The following PRAMEF2 variants were observed in gnomAD, a reference collection of about 807,000 sequenced individuals.
PRAMEF2 encodes the protein PRAME family member 2.
Under a neutral mutation model 38.0 loss-of-function variants are expected in PRAMEF2, and 35 were observed. The observed-to-expected ratio is 0.92, with a 90% CI of 0.70 to 1.22. The LOEUF is 1.22. Among genes scored for constraint, PRAMEF2 ranks in the 50% most tolerant of loss-of-function variants. The pLI is 0.00. For missense variants in PRAMEF2, 562 were observed against 553.9 expected (o/e 1.01, Z -0.15); for synonymous variants, 240 against 232.4 (o/e 1.03, Z -0.30).
Position 12,859,856 on chromosome 1 carries a change from A to G in PRAMEF2, c.451A>G (p.Ile151Val). Residue 151 changes from isoleucine (I) to valine (V), a missense_variant, in exon 3 of 4, where the codon ATA becomes GTA. Transcript: ENST00000240189. ...AGAGCACCAGCCCTTAAAGGTGTTC[A>G]TAGACATCTGCCTCAAGGAAATACC... The part of the protein sequence containing the change: ...TGEHQPLKVF[I>V]DICLKEIPQD... 6.2e-7 allele frequency: 1 copy of G among 1,607,714 alleles called. No individual in the cohort carries two copies.
rs1311228523 is a variant in PRAMEF2, at chr1:12,857,523, A to G, written c.-26+376A>G. Among the ~76,000 whole-genome samples, 2 of 142,374 alleles carry G rather than the reference A, an allele frequency of 1.4e-5. 1 individual carries two copies. The highest frequency in any genetic ancestry group is 5.4e-5 in the African/African-American group (2 of 36,812). 93.4% of individuals were successfully genotyped at this position (142,374 alleles called of 152,430 possible). A position where few individuals can be genotyped will look rare whatever the true frequency, so the allele number is the denominator to read the frequency against. ...TCATTTTCATAAAATCCTTAAAGGT[A>G]TCCCACACACCAATCTCAAGAGTGC... On this transcript the variant is annotated intron_variant, in intron 1 of 3. Transcript: ENST00000240189.
intron 2 of PRAMEF2, 51 bp downstream of exon 2, chr1:12,859,347 G>T (rs1557627837): frequency 5.6e-6 from 9 of 1,606,058 alleles, no homozygotes; most frequent in Non-Finnish European, 7.6e-6. Context: ...TCCAGGGAAA[G>T]AACAGCAGGG....
rs17038657 is a variant in PRAMEF2, at chr1:12,859,212, C to T, written c.203C>T (p.Ser68Leu). Reference protein sequence around the residue: ...AWPFTCLPLVSLMKTLHLEPL... With the variant: ...AWPFTCLPLVLLMKTLHLEPL... ...CCTTTCACCTGCCTCCCTCTGGTAT[C>T]GCTGATGAAGACGCTTCATCTGGAG... Residue 68 changes from serine to leucine, a missense_variant, in exon 2 of 4, where the codon TCG becomes TTG. Ser to Leu is a moderately radical substitution (Grantham distance 145). This residue lies in a region of PRAMEF2 where 486 missense variants were observed against 444.2 expected (regional missense o/e 1.09). Transcript: ENST00000240189. 21 of 1,609,898 alleles carry T rather than the reference C, an allele frequency of 1.3e-5. 1 individual carries two copies. Among genetic ancestry groups the T allele is most frequent in the Middle Eastern group, 3.3e-4 (2 of 6,056 alleles).
At chr1:12,860,339 G>T in intron 3 of PRAMEF2, 68 bp downstream of exon 3, 1 of 1,592,660 alleles carries the variant, frequency 6.3e-7, no homozygotes, top group Non-Finnish European at 8.6e-7. Flanking sequence ...GCAAACATTA[G>T]AAGGCGTGTA....
At chr1:12,861,144 A>G (rs1640541291) in intron 3 of PRAMEF2, 77 bp from the exon 4 acceptor site, 3 of 1,478,060 alleles carry the variant, frequency 2.0e-6, no homozygotes, top group Non-Finnish European at 1.9e-6. Context: ...TGAAGCAGGT[A>G]TTTTCCTTGA....
intron 2 of PRAMEF2, 87 bp from the exon 3 acceptor site, chr1:12,859,606 A>T: frequency 6.4e-7 from 1 of 1,572,560 alleles, no homozygotes. Flanking sequence ...TGAGGACAGG[A>T]GCAGCTGATT....
In PRAMEF2 at chr1:12,861,458, C is replaced by G. The variant is rs1304127428; in HGVS notation, c.1104C>G (p.Ala368=). The part of the protein sequence containing the change: ...GCQIHYSQLS[A]ILPGLSCCSQ... ...AGATCCACTACTCCCAACTCAGTGC[C>G]ATCCTGCCTGGCCTGAGCTGCTGCT... Residue 368 remains alanine (A), a synonymous_variant, in exon 4 of 4, where the codon GCC becomes GCG. Transcript: ENST00000240189. The G allele has an allele frequency of 8.1e-6, 13 of 1,605,594 alleles. No individual in the cohort carries two copies. The East Asian group carries it at 2.9e-4, about 36-fold the overall frequency.
chr1:12,860,595 C>A (rs201150208), intron 3 of PRAMEF2, among the ~76,000 whole-genome samples: 2 of 149,798 alleles, frequency 1.3e-5, no homozygotes, highest in Admixed American at 6.9e-5. Flanking sequence ...GATATGATGT[C>A]AAAGAGATAA....
rs1640462019 is a variant in PRAMEF2, at chr1:12,857,141, A to G, written c.-32A>G. On this transcript the variant is annotated 5_prime_UTR_variant, in exon 1 of 4. Coordinates refer to ENST00000240189, the MANE Select transcript of PRAMEF2 (RefSeq NM_023014.1). ...TCCCAGAACTCTGCAAAGTGAGTCC[A>G]GCGCTGGTAAGTCACCACCTTCTTA... 1 of 148,372 alleles carries G rather than the reference A, an allele frequency of 6.7e-6. No homozygotes were observed. Among genetic ancestry groups the G allele is most frequent in the South Asian group, 2.2e-4 (1 of 4,624 alleles). The allele number at this position is 148,372 out of a possible 1,614,324, so 9.2% of individuals were successfully genotyped here.
chr1:12,858,978 C>A lies in PRAMEF2; in HGVS notation c.-25-7C>A. The A allele has an allele frequency of 6.3e-7, 1 of 1,594,472 alleles. No individual in the cohort carries two copies. The highest frequency in any genetic ancestry group is 1.8e-5 in the Admixed American group (1 of 54,956). On this transcript the variant is annotated splice_polypyrimidine_tract_variant and splice_region_variant and intron_variant, in intron 1 of 3. Transcript: ENST00000240189. Reference sequence around the variant, plus strand: ...AGTGATACATTCTCCCTGGATTTGTCTTCTAGAGATTTTTCTTGCAGATCC... The same window carrying A: ...AGTGATACATTCTCCCTGGATTTGTATTCTAGAGATTTTTCTTGCAGATCC...
chr1:12,861,221 G>A lies in PRAMEF2; in HGVS notation c.867G>A (p.Arg289=). The change falls in exon 4 of 4, where the codon AGG becomes AGA. Residue 289 remains arginine, a splice_region_variant and synonymous_variant. Transcript: ENST00000240189. ...AGAACTAACTTCTTGATCTCCACAG[G>A]TGCCTCCAGAACCCCTTGGAGAACT... ...FFSGHLEQLI[R]CLQNPLENLE... 2 of 1,606,218 alleles carry A rather than the reference G, an allele frequency of 1.2e-6. No homozygotes were observed. The highest frequency in any genetic ancestry group is 8.5e-7 in the Non-Finnish European group (1 of 1,175,518).
chr1:12,859,440 C>A, intron 2 of PRAMEF2, 144 bp downstream of exon 2: 3 of 1,476,882 alleles, frequency 2.0e-6, no homozygotes, highest in Non-Finnish European at 2.8e-6. Flanking sequence ...TGGCCATTGT[C>A]CAGATCCTCA....
rs760755167 is a variant in PRAMEF2 at position 12,860,124 on chromosome 1, C to A, written c.719C>A (p.Ser240Tyr). The A allele has an allele frequency of 3.1e-6, 5 of 1,606,576 alleles. No individual in the cohort carries two copies. In the East Asian group the frequency reaches 1.1e-4, roughly 36 times the overall value. Residue 240 changes from serine (S) to tyrosine (Y), a missense_variant, in exon 3 of 4, where the codon TCC becomes TAC. Physicochemically the swap from Ser to Tyr is moderately radical, Grantham distance 144. Around this residue, in one of 2 missense-constraint regions of PRAMEF2, gnomAD observed 486 missense variants for 444.2 expected, o/e 1.09. Coordinates refer to ENST00000240189, the MANE Select transcript of PRAMEF2 (RefSeq NM_023014.1). ...AAGACTCTTTGCAAACTCGTTTTCT[C>A]CAGGTGCCATCATTACACGTCAGAT... ...EMKTLCKLVF[S>Y]RCHHYTSDNE...
At chr1:12,859,320 T>C (rs1243303325) in intron 2 of PRAMEF2, 24 bp downstream of exon 2, 3 of 1,607,390 alleles carry the variant, frequency 1.9e-6, no homozygotes, top group Non-Finnish European at 2.5e-6. Context: ...GGAGGGCTAG[T>C]AGATAGGGCT....
rs141943881 is a variant in PRAMEF2, at chr1:12,861,355, G to C, written c.1001G>C (p.Arg334Pro). The change falls in exon 4 of 4, where the codon CGC becomes CCC. Residue 334 changes from arginine (R) to proline (P), a missense_variant. By Grantham distance (103) the Arg-to-Pro change is moderately radical. Transcript: ENST00000240189. Reference sequence around the variant, plus strand: ...AATCTCAGCTACGTGCTGCTGTTCCGCATCAGTCTTGAACCCCTAGGAGCT... The same window carrying C: ...AATCTCAGCTACGTGCTGCTGTTCCCCATCAGTCTTGAACCCCTAGGAGCT... ...HLNLSYVLLF[R>P]ISLEPLGALL... 6.2e-7 allele frequency: 1 copy of C among 1,606,650 alleles called. No homozygotes were observed. The highest frequency in any genetic ancestry group is 8.5e-7 in the Non-Finnish European group (1 of 1,176,566).
In PRAMEF2 at chr1:12,861,655, G is replaced by A. The variant is rs1386681955; in HGVS notation, c.1301G>A (p.Arg434Gln). 1.3e-5 allele frequency: 20 copies of A among 1,595,622 alleles called. No homozygotes were observed. The highest frequency in any genetic ancestry group is 2.2e-5 in the East Asian group (1 of 44,604). The change falls in exon 4 of 4, where the codon CGG becomes CAG. Residue 434 changes from arginine to glutamine, a missense_variant. Physicochemically the swap from Arg to Gln is conservative, Grantham distance 43. Coordinates refer to ENST00000240189, the MANE Select transcript of PRAMEF2 (RefSeq NM_023014.1). ...RVNWEIFTPL[R>Q]AELMCTLREF... ...AATTGGGAGATCTTCACCCCACTTC[G>A]GGCTGAGCTGATGTGTACACTGAGG...
rs3204810 is a variant in PRAMEF2, at chr1:12,860,165, T to C, written c.760T>C (p.Trp254Arg). Residue 254 changes from tryptophan (W) to arginine (R), a missense_variant, in exon 3 of 4, where the codon TGG (tryptophan) becomes CGG (arginine). Around this residue, in one of 2 missense-constraint regions of PRAMEF2, gnomAD observed 486 missense variants for 444.2 expected, o/e 1.09. Coordinates refer to ENST00000240189, the MANE Select transcript of PRAMEF2 (RefSeq NM_023014.1). ...CACGTCAGATAATGAACTCGAGGGA[T>C]GGTTAGTCACCAGATTCACCTCTGT... ...HYTSDNELEG[W>R]LVTRFTSVFL... 1.1e-5 allele frequency: 18 copies of C among 1,606,634 alleles called. 2 individuals carry two copies. The highest frequency in any genetic ancestry group is 8.1e-5 in the African/African-American group (6 of 74,222).
chr1:12,861,052 C>T (rs1425407388), intron 3 of PRAMEF2, among the ~76,000 whole-genome samples, 169 bp from the exon 4 acceptor site: 1 of 149,986 alleles, frequency 6.7e-6, no homozygotes, highest in Non-Finnish European at 1.5e-5. Context: ...AATGGGACAG[C>T]CCCTGAACGA....
At chr1:12,860,504 A>C (rs1640530244) in intron 3 of PRAMEF2, among the ~76,000 whole-genome samples, 1 of 147,286 alleles carries the variant, frequency 6.8e-6, no homozygotes, top group Non-Finnish European at 1.5e-5. Context: ...GAGGGACATC[A>C]TGTACAAGCT....
Sources: gnomAD v4.1 joint callset for allele counts (sites outside exome capture counted in the v4.1 genomes callset) on GRCh38, gnomAD v4.1.1 for gene constraint, gnomAD v4.1.1 regional missense constraint, MANE v1.5 for transcripts, NCBI Gene and HGNC (gene_info 2026-07-23, HGNC 2026-07-21) for gene names.